Variants in CARMIL1 observed in about 807,000 individuals in gnomAD.
CARMIL1 encodes the protein F-actin-uncapping protein LRRC16A.
Under a neutral mutation model 177.1 loss-of-function variants are expected in CARMIL1, and 90 were observed. That is an observed-to-expected ratio of 0.51 (90% CI 0.43 to 0.61). The LOEUF (loss-of-function observed/expected upper bound fraction) is 0.61. Among genes scored for constraint, CARMIL1 ranks in the 20% least tolerant of loss-of-function variants. The probability of loss-of-function intolerance (pLI) is 0.00; values close to 1 mark genes in which losing one functional copy is unlikely to be tolerated. For synonymous variants in CARMIL1, 577 were observed against 606.2 expected (o/e 0.95, Z 0.71); for missense variants, 1,380 against 1,667.0 (o/e 0.83, Z 3.00).
chr6:25,331,089 G>C (rs999580569), intron 2 of CARMIL1, among the ~76,000 whole-genome samples: 1 of 152,160 alleles, frequency 6.6e-6, no homozygotes, highest in South Asian at 2.1e-4. Context: ...GAGGCACTCA[G>C]TATATTCTTC....
At chr6:25,560,109 TG>T (rs1810973412) in intron 29 of CARMIL1, among the ~76,000 whole-genome samples, 3 of 152,228 alleles carry the variant, frequency 2.0e-5, no homozygotes, top group Admixed American at 2.0e-4. Context: ...AAGCGAAGGC[TG>T]AAGTAAGAAT....
At chr6:25,618,940 C>T (rs1209570360) in intron 36 of CARMIL1, among the ~76,000 whole-genome samples, 2 of 152,210 alleles carry the variant, frequency 1.3e-5, no homozygotes, top group African/African-American at 2.4e-5. Flanking sequence ...TTCCTGAGGC[C>T]TTTGCTGATA....
rs541565673 is a variant in CARMIL1, at chr6:25,537,326, C to A, written c.2068-529C>A. 2.0e-5 allele frequency among the ~76,000 whole-genome samples: 3 copies of A among 152,146 alleles called. No individual in the cohort carries two copies. The South Asian group carries it at 6.2e-4, about 32-fold the overall frequency. The stretch of plus-strand genomic sequence containing the variant: ...AGAAAAATACTTGATGTAATTGAAT[C>A]GATTTTTAAAATACCAATTTTTAAG... On this transcript the variant is annotated intron_variant, in intron 24 of 36. Transcript: ENST00000329474.
At chr6:25,342,355 G>A (rs549046382) in intron 2 of CARMIL1, among the ~76,000 whole-genome samples, 2 of 152,290 alleles carry the variant, frequency 1.3e-5, no homozygotes, top group African/African-American at 4.8e-5. Context: ...GGTGACCAAG[G>A]CAGGCTGGAT....
At chr6:25,415,134 G>C (rs1795248189) in intron 2 of CARMIL1, among the ~76,000 whole-genome samples, 1 of 151,800 alleles carries the variant, frequency 6.6e-6, no homozygotes. Flanking sequence ...GAACATTCTG[G>C]TTTCTTTTTT....
At chr6:25,322,521 A>C (rs953481545) in intron 2 of CARMIL1, among the ~76,000 whole-genome samples, 12 of 152,192 alleles carry the variant, frequency 7.9e-5, no homozygotes, top group African/African-American at 2.7e-4. Context: ...CACACACACA[A>C]AAATACACAA....
chr6:25,375,261 A>T, intron 2 of CARMIL1, among the ~76,000 whole-genome samples: 1 of 152,222 alleles, frequency 6.6e-6, no homozygotes. Flanking sequence ...GTCTTGCTGG[A>T]TAAAAAATGA....
intron 10 of CARMIL1, among the ~76,000 whole-genome samples, chr6:25,471,679 T>C (rs1801116262): frequency 6.6e-6 from 1 of 152,232 alleles, no homozygotes; most frequent in Non-Finnish European, 1.5e-5. Context: ...ACTCTGTAGA[T>C]GGTATATGTA....
intron 32 of CARMIL1, among the ~76,000 whole-genome samples, chr6:25,595,390 C>T (rs1295716463): frequency 1.3e-5 from 2 of 152,122 alleles, no homozygotes; most frequent in Non-Finnish European, 2.9e-5. Flanking sequence ...TATCTTGCCT[C>T]GGCAGGATGG....
intron 2 of CARMIL1, among the ~76,000 whole-genome samples, chr6:25,332,477 G>A (rs1785729031): frequency 6.6e-6 from 1 of 152,026 alleles, no homozygotes; most frequent in African/African-American, 2.4e-5. Context: ...AGAAGCAAGT[G>A]AATTTGCTGA....
At chr6:25,295,837 A>G (rs17734186) in intron 2 of CARMIL1, among the ~76,000 whole-genome samples, 4,124 of 152,326 alleles carry the variant, frequency 0.027, 69 homozygotes, top group Non-Finnish European at 0.038. Context: ...AGAATCAGCC[A>G]TAGCTTTTTC....
At chr6:25,451,656 T>TC (rs1231097576) in intron 8 of CARMIL1, among the ~76,000 whole-genome samples, 1 of 152,212 alleles carries the variant, frequency 6.6e-6, no homozygotes, top group Non-Finnish European at 1.5e-5. Context: ...TTTTGCTCTC[T>TC]AACAGTCGAG....
intron 2 of CARMIL1, among the ~76,000 whole-genome samples, chr6:25,417,113 G>C (rs572013230): frequency 6.6e-6 from 1 of 152,172 alleles, no homozygotes; most frequent in East Asian, 1.9e-4. Context: ...TGAAAGAGGG[G>C]TCATATCCTG....
intron 2 of CARMIL1, among the ~76,000 whole-genome samples, chr6:25,372,888 A>G (rs769995778): frequency 6.6e-6 from 1 of 152,122 alleles, no homozygotes; most frequent in African/African-American, 2.4e-5. Context: ...TCTGTCATAC[A>G]TGGCTTTTAT....
At chr6:25,502,739 T>A (rs932410053) in intron 17 of CARMIL1, among the ~76,000 whole-genome samples, 1 of 152,174 alleles carries the variant, frequency 6.6e-6, no homozygotes, top group African/African-American at 2.4e-5. Flanking sequence ...GGTTCCTTAA[T>A]TATAGGTAAA....
intron 3 of CARMIL1, 44 bp from the exon 4 acceptor site, chr6:25,426,457 C>T (rs1297672116): frequency 2.8e-6 from 4 of 1,432,766 alleles, no homozygotes; most frequent in Admixed American, 1.8e-5. Context: ...TTTTTAAAAC[C>T]CTCATTGCAG....
At chr6:25,330,003 T>C (rs961009860) in intron 2 of CARMIL1, among the ~76,000 whole-genome samples, 13 of 152,208 alleles carry the variant, frequency 8.5e-5, no homozygotes, top group Non-Finnish European at 1.8e-4. Context: ...AAAGAACACA[T>C]TGAGGACACT....
intron 36 of CARMIL1, among the ~76,000 whole-genome samples, chr6:25,618,491 A>T (rs1759468372): frequency 6.6e-6 from 1 of 152,198 alleles, no homozygotes; most frequent in Non-Finnish European, 1.5e-5. Flanking sequence ...ATAATCCTTA[A>T]TAGCTATGCT....
intron 2 of CARMIL1, among the ~76,000 whole-genome samples, chr6:25,289,997 G>A (rs750183455): frequency 4.6e-5 from 7 of 152,202 alleles, no homozygotes; most frequent in Non-Finnish European, 8.8e-5. Flanking sequence ...TAAGAAACTG[G>A]CAAACTGTTT....
Sources: allele counts gnomAD v4.1 joint callset (sites outside exome capture counted in the v4.1 genomes callset), GRCh38; gene constraint gnomAD v4.1.1; transcripts MANE v1.5; gene names NCBI Gene and HGNC (gene_info 2026-07-23, HGNC 2026-07-21).